The following CCDC171 variants were observed in gnomAD, a reference collection of about 807,000 sequenced individuals.
CCDC171 encodes coiled-coil domain containing 171.
A neutral mutation model predicts 168.2 loss-of-function variants in CCDC171; 177 were observed. The observed-to-expected ratio is 1.05, with a 90% CI of 0.93 to 1.19. CCDC171 has a LOEUF of 1.19. Among genes scored for constraint, CCDC171 ranks in the 50% most tolerant of loss-of-function variants. The probability of loss-of-function intolerance (pLI) is 0.00; values close to 1 mark genes in which losing one functional copy is unlikely to be tolerated. For synonymous variants in CCDC171, 687 were observed against 540.8 expected (o/e 1.27, Z -3.75); for missense variants, 1,991 against 1,539.0 (o/e 1.29, Z -4.91).
At chr9:15,907,591 G>C (rs1019355164) in intron 24 of CCDC171, among the ~76,000 whole-genome samples, 2 of 152,160 alleles carry the variant, frequency 1.3e-5, no homozygotes, top group African/African-American at 4.8e-5. Context: ...TCAGGACATA[G>C]GCATGGGCAA....
At chr9:16,041,188 A>T (rs553933559), upstream of CCDC171, among the ~76,000 whole-genome samples, 24 of 152,334 alleles carry the variant, frequency 1.6e-4, no homozygotes, top group African/African-American at 5.8e-4. Flanking sequence ...AGGGGCTCAG[A>T]GGAAGGAGAA....
intron 3 of CCDC171, among the ~76,000 whole-genome samples, chr9:16,004,499 C>T (rs1435475136): frequency 3.3e-5 from 5 of 152,168 alleles, no homozygotes; most frequent in Non-Finnish European, 5.9e-5. Context: ...GATCTGCTTT[C>T]CTTCCTCAAC....
intron 7 of CCDC171, 28 bp downstream of exon 7, chr9:15,623,441 A>T (rs777395715): frequency 6.7e-7 from 1 of 1,496,466 alleles, no homozygotes; most frequent in African/African-American, 1.4e-5. Flanking sequence ...TTTATAATAT[A>T]TATGCGTACA....
rs1245182471 is a variant in CCDC171 at position 15,819,549 on chromosome 9, G to T, written c.3268-27153G>T. On this transcript the variant is annotated intron_variant, in intron 21 of 25. Transcript: ENST00000380701. The stretch of plus-strand genomic sequence containing the variant: ...GGCAGGGGTTGCCATCCTAATCTCG[G>T]ATAAAACACACTTTAAACCAACAAA... Among the ~76,000 whole-genome samples the T allele has an allele frequency of 1.7e-5, 2 of 116,182 alleles. 1 individual carries two copies. The highest frequency in any genetic ancestry group is 3.8e-5 in the Non-Finnish European group (2 of 52,008). The allele number at this position is 116,182 out of a possible 152,430, so 76.2% of individuals were successfully genotyped here. A position where few individuals can be genotyped will look rare whatever the true frequency, so the allele number is the denominator to read the frequency against.
chr9:15,677,883 T>C (rs549703796), intron 9 of CCDC171, among the ~76,000 whole-genome samples: 11 of 9,362 alleles, frequency 1.2e-3, no homozygotes, highest in Admixed American at 5.7e-3. Flanking sequence ...GTGTGTCATA[T>C]ATATATATAT....
At chr9:15,823,554 G>GTT (rs2059886589) in intron 21 of CCDC171, among the ~76,000 whole-genome samples, 1 of 151,992 alleles carries the variant, frequency 6.6e-6, no homozygotes, top group Non-Finnish European at 1.5e-5. Flanking sequence ...GTCACAACAT[G>GTT]TTAAGATACA....
chr9:15,909,029 G>A (rs1420940621), intron 24 of CCDC171, among the ~76,000 whole-genome samples: 1 of 152,216 alleles, frequency 6.6e-6, no homozygotes, highest in Non-Finnish European at 1.5e-5. Context: ...TATCATGGGT[G>A]ATGGGCATGG....
rs2043369802 is a variant in CCDC171 at position 15,608,290 on chromosome 9, A to G, written c.675+14118A>G. On this transcript the variant is annotated intron_variant, in intron 6 of 25. Coordinates refer to ENST00000380701, the MANE Select transcript of CCDC171 (RefSeq NM_173550.4). ...AAGGGACACACATTCAAACCATAAC[A>G]CTGACATTGAGATTTAAGTTCTTTG... Among the ~76,000 whole-genome samples, 3 of 152,134 alleles carry G rather than the reference A, an allele frequency of 2.0e-5. No individual in the cohort carries two copies. In the South Asian group the frequency reaches 6.2e-4, roughly 32 times the overall value.
At chr9:15,828,725 A>G (rs2136208660) in intron 21 of CCDC171, among the ~76,000 whole-genome samples, 2 of 152,386 alleles carry the variant, frequency 1.3e-5, no homozygotes, top group Middle Eastern at 3.4e-3. Flanking sequence ...TCAAACTACA[A>G]TGAAAATGAT....
intron 9 of CCDC171, among the ~76,000 whole-genome samples, chr9:15,677,877 G>C (rs1351647445): frequency 1.2e-3 from 60 of 50,792 alleles, no homozygotes; most frequent in Admixed American, 3.2e-3. Flanking sequence ...GTGTGTGTGT[G>C]TCATATATAT....
intron 4 of CCDC171, among the ~76,000 whole-genome samples, chr9:15,585,883 G>T (rs1037464443): frequency 7.2e-5 from 11 of 152,092 alleles, no homozygotes; most frequent in African/African-American, 2.7e-4. Flanking sequence ...GGCTGAGGCA[G>T]AAGGCTCACT....
In CCDC171 at chr9:15,909,964, C is replaced by G. The variant is rs572694277; in HGVS notation, c.3601-10306C>G. 2.6e-5 allele frequency among the ~76,000 whole-genome samples: 4 copies of G among 152,070 alleles called. 1 individual carries two copies. Among genetic ancestry groups the G allele is most frequent in the Admixed American group, 1.3e-4 (2 of 15,238 alleles). Reference sequence around the variant, plus strand: ...CATCATATCCTGACCACCCTCTCACCTTTTGTAATCTCCAATATCTGTTAT... The same window carrying G: ...CATCATATCCTGACCACCCTCTCACGTTTTGTAATCTCCAATATCTGTTAT... On this transcript the variant is annotated intron_variant, in intron 24 of 25. Transcript: ENST00000380701.
Position 15,879,727 on chromosome 9 carries a change from G to A in CCDC171, c.3600+5064G>A, listed in dbSNP as rs1818360511. 2.6e-5 allele frequency among the ~76,000 whole-genome samples: 4 copies of A among 152,148 alleles called. 1 individual carries two copies. Among genetic ancestry groups the A allele is most frequent in the South Asian group, 2.1e-4 (1 of 4,820 alleles). On this transcript the variant is annotated intron_variant, in intron 24 of 25. Coordinates refer to ENST00000380701, the MANE Select transcript of CCDC171 (RefSeq NM_173550.4). ...TATATTTTGTCAGTTTTCTGTTGATGGATATTTGAAGTTATTTTGAGTTTT... is the reference window on the plus strand; with the variant it reads ...TATATTTTGTCAGTTTTCTGTTGATAGATATTTGAAGTTATTTTGAGTTTT...
At chr9:15,735,704 A>G (rs1284677130) in intron 16 of CCDC171, among the ~76,000 whole-genome samples, 1 of 152,190 alleles carries the variant, frequency 6.6e-6, no homozygotes, top group Non-Finnish European at 1.5e-5. Context: ...AAGAATATTC[A>G]GAGATAAAGT....
At chr9:16,010,084 T>C (rs1477440657) in intron 3 of CCDC171, among the ~76,000 whole-genome samples, 1 of 152,124 alleles carries the variant, frequency 6.6e-6, no homozygotes, top group Non-Finnish European at 1.5e-5. Context: ...GTACCCAACA[T>C]AGAGTAGAAA....
intron 1 of CCDC171, among the ~76,000 whole-genome samples, chr9:16,052,821 T>C (rs1467838219): frequency 6.6e-6 from 1 of 150,980 alleles, no homozygotes; most frequent in Admixed American, 6.6e-5. Flanking sequence ...CTTTGAGAAG[T>C]TGTTAAAATC....
At chr9:15,797,679 A>C (rs905355715) in intron 21 of CCDC171, among the ~76,000 whole-genome samples, 1 of 152,080 alleles carries the variant, frequency 6.6e-6, no homozygotes, top group African/African-American at 2.4e-5. Flanking sequence ...TAAAAATTTT[A>C]CATTTTGATG....
chr9:15,700,346 G>A (rs1452837269), intron 11 of CCDC171, among the ~76,000 whole-genome samples: 1 of 152,202 alleles, frequency 6.6e-6, no homozygotes, highest in Non-Finnish European at 1.5e-5. Flanking sequence ...TGTGGGGCCC[G>A]CCAAGCCCAC....
intron 7 of CCDC171, among the ~76,000 whole-genome samples, chr9:15,653,751 GTTTAT>G (rs2047710294): frequency 6.6e-6 from 1 of 151,786 alleles, no homozygotes; most frequent in South Asian, 2.1e-4. Flanking sequence ...AAAGATAAGG[GTTTAT>G]TTTATTTATT....
Sources: gnomAD v4.1 joint callset for allele counts (sites outside exome capture counted in the v4.1 genomes callset) on GRCh38, gnomAD v4.1.1 for gene constraint, MANE v1.5 for transcripts, NCBI Gene and HGNC (gene_info 2026-07-23, HGNC 2026-07-21) for gene names.